The following TNRC18 variants were observed in gnomAD, a reference collection of about 807,000 sequenced individuals.
The protein encoded by TNRC18 is trinucleotide repeat-containing gene 18 protein.
In TNRC18, 69 loss-of-function variants were observed where a neutral mutation model predicts 226.7. That is an observed-to-expected ratio of 0.30 (90% CI 0.25 to 0.37). TNRC18 has a LOEUF of 0.37. TNRC18 is among the 10% of genes least tolerant of loss of function. The probability of loss-of-function intolerance (pLI) is 1.00; values close to 1 mark genes in which losing one functional copy is unlikely to be tolerated. For synonymous variants in TNRC18, 2,449 were observed against 1,927.6 expected (o/e 1.27, Z -7.09); for missense variants, 4,754 against 4,256.6 (o/e 1.12, Z -3.25).
rs545231269 is a variant in TNRC18 at position 5,312,413 on chromosome 7, C to T, written c.8388+90G>A. 16 of 1,499,804 alleles carry T rather than the reference C, an allele frequency of 1.1e-5. No individual in the cohort carries two copies. The East Asian group carries it at 3.4e-4, about 32-fold the overall frequency. 92.9% of individuals were successfully genotyped at this position (1,499,804 alleles called of 1,614,324 possible). A position where few individuals can be genotyped will look rare whatever the true frequency, so the allele number is the denominator to read the frequency against. ...ACCCTGGGGTTCTGGGAGGTTACCA[C>T]ACACGGAGACACAGCATGAAGCCGT... On this transcript the variant is annotated intron_variant, in intron 27 of 29. Transcript: ENST00000430969. The surrounding 1 kb of genome is among the most constrained non-coding windows in gnomAD (Gnocchi z 6.3).
At chr7:5,406,948 TCCCTGCCAGCC>T (rs970912090) in intron 2 of TNRC18, among the ~76,000 whole-genome samples, 1 of 151,866 alleles carries the variant, frequency 6.6e-6, no homozygotes, top group Non-Finnish European at 1.5e-5. Flanking sequence ...CACCCCCACC[TCCCTGCCAGCC>T]CCCAGCGTTC....
chr7:5,423,026 C>G (rs1562653810), intron 1 of TNRC18: 1 of 152,310 alleles, frequency 6.6e-6, no homozygotes, highest in African/African-American at 2.4e-5. Flanking sequence ...CCTCGGCTAT[C>G]TGCGGGCTCC....
chr7:5,412,502 G>T (rs1489387037), intron 2 of TNRC18, among the ~76,000 whole-genome samples: 2 of 152,018 alleles, frequency 1.3e-5, no homozygotes, highest in African/African-American at 4.8e-5. Flanking sequence ...CTTGAACCCG[G>T]GAGGTGGAGG....
rs747760066 is a variant in TNRC18, at chr7:5,370,899, G to A, written c.3695C>T (p.Ser1232Phe). Residue 1232 changes from serine to phenylalanine, a missense_variant, in exon 11 of 30, where the codon TCC (serine) becomes TTC (phenylalanine). Ser to Phe is a radical substitution (Grantham distance 155). Transcript: ENST00000430969. Reference sequence around the variant, plus strand: ...GGTGCAGGGTTCTGTCCGGCCCGGGGAATCCACCCGTGGTTCAGGCCCCTC... The same window carrying A: ...GGTGCAGGGTTCTGTCCGGCCCGGGAAATCCACCCGTGGTTCAGGCCCCTC... ...FVEGPEPRVD[S>F]PGRTEPCTAA... 65 of 1,606,204 alleles carry A rather than the reference G, an allele frequency of 4.0e-5. No individual in the cohort carries two copies. The highest frequency in any genetic ancestry group is 6.7e-5 in the East Asian group (3 of 44,878).
At chr7:5,411,285 G>A (rs546273889) in intron 2 of TNRC18, among the ~76,000 whole-genome samples, 1 of 151,308 alleles carries the variant, frequency 6.6e-6, no homozygotes, top group Middle Eastern at 3.4e-3. Flanking sequence ...ACAAAGATCA[G>A]CAATCAAAAA....
Position 5,371,218 on chromosome 7 carries a change from G to A in TNRC18, c.3376C>T (p.Leu1126Phe), listed in dbSNP as rs1357832488. ...CGGATGGGCTTGTCTTCGGGTGAGA[G>A]TGCCAGGCGCTCGGGCCCATCAGCC... ...LPADGPERLA[L>F]SPEDKPIRLS... The change falls in exon 11 of 30, where the codon CTC (leucine) becomes TTC (phenylalanine). Residue 1126 changes from leucine to phenylalanine, a missense_variant. Leu to Phe is a conservative substitution (Grantham distance 22). Transcript: ENST00000430969. 1.2e-6 allele frequency: 2 copies of A among 1,605,860 alleles called. No individual in the cohort carries two copies. Among genetic ancestry groups the A allele is most frequent in the Non-Finnish European group, 1.7e-6 (2 of 1,174,854 alleles).
chr7:5,388,764 C>A lies in TNRC18; in HGVS notation c.1060G>T (p.Ala354Ser). The change falls in exon 5 of 30, where the codon GCC becomes TCC. Residue 354 changes from alanine to serine, a missense_variant. Coordinates refer to ENST00000430969, the MANE Select transcript of TNRC18 (RefSeq NM_001080495.3). ...GPPAPPAATPAGVYTVFREQG... is the reference protein window; with the variant it reads ...GPPAPPAATPSGVYTVFREQG... ...TCGCGGAAGACGGTGTAGACGCCGGCGGGGGTGGCCGCGGGGGGTGCAGGA... is the reference window on the plus strand; with the variant it reads ...TCGCGGAAGACGGTGTAGACGCCGGAGGGGGTGGCCGCGGGGGGTGCAGGA... 8.4e-7 allele frequency: 1 copy of A among 1,195,230 alleles called. No homozygotes were observed. The highest frequency in any genetic ancestry group is 1.0e-6 in the Non-Finnish European group (1 of 963,676). 74.0% of individuals were successfully genotyped at this position (1,195,230 alleles called of 1,614,324 possible).
chr7:5,378,047 GAGCCCCC>G, intron 5 of TNRC18, 23 bp from the exon 6 acceptor site: 5 of 1,594,724 alleles, frequency 3.1e-6, no homozygotes, highest in Non-Finnish European at 4.3e-6. Context: ...AGGTGGAAGT[GAGCCCCC>G]AGCCAGCACC....
Position 5,394,657 on chromosome 7 carries a change from C to A in TNRC18, c.188-62G>T. On this transcript the variant is annotated intron_variant, in intron 2 of 29. Coordinates refer to ENST00000430969, the MANE Select transcript of TNRC18 (RefSeq NM_001080495.3). The surrounding 1 kb of genome is among the most constrained non-coding windows in gnomAD (Gnocchi z 4.5). ...ACCAGGGAGGCGCCGCCGCCCCAGC[C>A]CACCGCCCCGACCCACCGCCCCGAG... 1 of 1,343,148 alleles carries A rather than the reference C, an allele frequency of 7.4e-7. No individual in the cohort carries two copies. Among genetic ancestry groups the A allele is most frequent in the Non-Finnish European group, 1.0e-6 (1 of 982,608 alleles). The allele number at this position is 1,343,148 out of a possible 1,614,324, so 83.2% of individuals were successfully genotyped here.
At position 5,377,652 on chromosome 7, in the gene TNRC18, A is replaced by AG. The variant is rs1415620978; in HGVS notation, c.2256-77dup. On this transcript the variant is annotated intron_variant, in intron 6 of 29. Coordinates refer to ENST00000430969, the MANE Select transcript of TNRC18 (RefSeq NM_001080495.3). The surrounding 1 kb of genome is among the most constrained non-coding windows in gnomAD (Gnocchi z 5.8). ...GAGAGGGAGAAGCGGGGTTGCCCCA[A>AG]GGAACTGTTTGCCACCAGGCCATGA... The AG allele has an allele frequency of 1.4e-6, 2 of 1,454,908 alleles. No individual in the cohort carries two copies. Among genetic ancestry groups the AG allele is most frequent in the African/African-American group, 2.8e-5 (2 of 71,020 alleles). The allele number at this position is 1,454,908 out of a possible 1,614,324, so 90.1% of individuals were successfully genotyped here. A position where few individuals can be genotyped will look rare whatever the true frequency, so the allele number is the denominator to read the frequency against.
rs1369382806 is a variant in TNRC18, at chr7:5,376,880, C to G, written c.2575G>C (p.Val859Leu). 1.9e-6 allele frequency: 3 copies of G among 1,611,570 alleles called. No individual in the cohort carries two copies. Among genetic ancestry groups the G allele is most frequent in the Non-Finnish European group, 2.5e-6 (3 of 1,178,886 alleles). Residue 859 changes from valine to leucine, a missense_variant, in exon 8 of 30, where the codon GTG (valine) becomes CTG (leucine). Physicochemically the swap from Val to Leu is conservative, Grantham distance 32. Coordinates refer to ENST00000430969, the MANE Select transcript of TNRC18 (RefSeq NM_001080495.3). ...FVRDPQSGQL[V>L]VIPSDHLPHF... ...GGAAGGTGATCACTGGGAATGACCA[C>G]CAGCTGGCCCGATTGGGGGTCCCTG...
chr7:5,367,179 A>C (rs1448888803), intron 11 of TNRC18, among the ~76,000 whole-genome samples: 2 of 152,092 alleles, frequency 1.3e-5, no homozygotes, highest in Admixed American at 1.3e-4. Flanking sequence ...AGCATGGCCA[A>C]CATGGGGAAA....
chr7:5,387,900 C>G lies in TNRC18; in HGVS notation c.1924G>C (p.Gly642Arg). 1 of 1,592,266 alleles carries G rather than the reference C, an allele frequency of 6.3e-7. No individual in the cohort carries two copies. Among genetic ancestry groups the G allele is most frequent in the South Asian group, 1.1e-5 (1 of 88,988 alleles). ...RAQARLPHSGGPAAGGGRQLK... is the reference protein window; with the variant it reads ...RAQARLPHSGRPAAGGGRQLK... ...TGCCGGCCGCCGCCCGCTGCAGGGC[C>G]TCCGGAGTGTGGGAGACGGGCCTGG... is the stretch of plus-strand genomic sequence containing the variant. The change falls in exon 5 of 30, where the codon GGC (glycine) becomes CGC (arginine). Residue 642 changes from glycine (G) to arginine (R), a missense_variant. Gly to Arg is a moderately radical substitution (Grantham distance 125). Transcript: ENST00000430969.
rs558490005 is a variant in TNRC18 at position 5,352,434 on chromosome 7, G to A, written c.5195-340C>T. Among the ~76,000 whole-genome samples the A allele has an allele frequency of 3.5e-4, 54 of 152,312 alleles. 1 individual carries two copies. The highest frequency in any genetic ancestry group is 1.3e-3 in the African/African-American group (53 of 41,570). On this transcript the variant is annotated intron_variant, in intron 16 of 29. Transcript: ENST00000430969. ...GAAGCCCTATGCTCAGGAAGGTCAC[G>A]GTGGTCACTGCCTGTCCCATGGGAT...
At chr7:5,349,878 G>A (rs1212357003) in intron 17 of TNRC18, among the ~76,000 whole-genome samples, 2 of 152,196 alleles carry the variant, frequency 1.3e-5, no homozygotes, top group Non-Finnish European at 2.9e-5. Flanking sequence ...GCTCAGTGGT[G>A]GACTGGCGGG....
At position 5,387,938 on chromosome 7, in the gene TNRC18, C is replaced by G. The variant is rs1413471521; in HGVS notation, c.1886G>C (p.Gly629Ala). 2 of 1,597,654 alleles carry G rather than the reference C, an allele frequency of 1.3e-6. No homozygotes were observed. The highest frequency in any genetic ancestry group is 2.3e-5 in the East Asian group (1 of 44,178). ...MKPEPAPTSA[G>A]ASRAQARLPH... ...GAGACGGGCCTGGGCTCGGGAGGCA[C>G]CCGCAGAGGTGGGCGCAGGCTCGGG... The change falls in exon 5 of 30, where the codon GGT becomes GCT. Residue 629 changes from glycine (G) to alanine (A), a missense_variant. Transcript: ENST00000430969.
chr7:5,370,792 C>T lies in TNRC18; in HGVS notation c.3802G>A (p.Val1268Met). 6.2e-7 allele frequency: 1 copy of T among 1,605,816 alleles called. No individual in the cohort carries two copies. Among genetic ancestry groups the T allele is most frequent in the Non-Finnish European group, 8.5e-7 (1 of 1,177,168 alleles). ...TCGGGCACTGCCTCCACCACGGGCACCGCCACAGGCACCTCCACCGGCTCC... is the reference window on the plus strand; with the variant it reads ...TCGGGCACTGCCTCCACCACGGGCATCGCCACAGGCACCTCCACCGGCTCC... Reference protein sequence around the residue: ...KEEPVEVPVAVPVVEAVPEEG... With the variant: ...KEEPVEVPVAMPVVEAVPEEG... Residue 1268 changes from valine (V) to methionine (M), a missense_variant, in exon 11 of 30, where the codon GTG becomes ATG. Transcript: ENST00000430969.
intron 2 of TNRC18, among the ~76,000 whole-genome samples, chr7:5,403,710 T>G (rs1015131285): frequency 6.6e-6 from 1 of 151,944 alleles, no homozygotes; most frequent in Non-Finnish European, 1.5e-5. Flanking sequence ...CGAGGATCAT[T>G]TGAGCCCAGG....
intron 23 of TNRC18, 29 bp downstream of exon 23, chr7:5,320,503 C>CG: frequency 6.3e-7 from 1 of 1,587,928 alleles, no homozygotes; most frequent in Non-Finnish European, 8.6e-7. Flanking sequence ...CACCCCGAGC[C>CG]TCCCGAGGCC....
Sources: gnomAD v4.1 joint callset for allele counts (sites outside exome capture counted in the v4.1 genomes callset) on GRCh38, gnomAD v4.1.1 for gene constraint, Gnocchi (gnomAD v3.1) non-coding constraint, MANE v1.5 for transcripts, NCBI Gene and HGNC (gene_info 2026-07-23, HGNC 2026-07-21) for gene names.